CHN1: variants seen among roughly 807,000 people sequenced by gnomAD.
The protein encoded by CHN1 is chimerin 1.
CHN1 carries 37 observed loss-of-function variants against 59.5 expected under a neutral mutation model. That is an observed-to-expected ratio of 0.62 (90% CI 0.48 to 0.82). The LOEUF (loss-of-function observed/expected upper bound fraction) is 0.82. CHN1 is among the 40% of genes least tolerant of loss of function. The pLI, the probability that CHN1 is intolerant of heterozygous loss-of-function variation, is 0.00. For synonymous variants in CHN1, 206 were observed against 200.4 expected (o/e 1.03, Z -0.24); for missense variants, 469 against 571.0 (o/e 0.82, Z 1.82).
At chr2:174,879,419 A>C (rs1687668679) in intron 5 of CHN1, among the ~76,000 whole-genome samples, 2 of 152,204 alleles carry the variant, frequency 1.3e-5, no homozygotes. Flanking sequence ...CTAAAGCATA[A>C]TTTATCCATC....
chr2:174,871,794 G>A (rs1350788813), intron 6 of CHN1, among the ~76,000 whole-genome samples: 1 of 152,198 alleles, frequency 6.6e-6, no homozygotes, highest in African/African-American at 2.4e-5. Context: ...ACATTAAAAT[G>A]TAAGTTCTTT....
At chr2:174,809,413 T>C (rs1399791678) in intron 10 of CHN1, among the ~76,000 whole-genome samples, 1 of 152,234 alleles carries the variant, frequency 6.6e-6, no homozygotes, top group Non-Finnish European at 1.5e-5. Flanking sequence ...GCAGGATTCA[T>C]GGCACCTCGT....
At chr2:174,806,733 G>C (rs928600783) in intron 11 of CHN1, among the ~76,000 whole-genome samples, 1 of 152,090 alleles carries the variant, frequency 6.6e-6, no homozygotes, top group Non-Finnish European at 1.5e-5. Context: ...ATGGCACCTC[G>C]TCTATGCTCT....
At chr2:174,822,709 C>A (rs79680225) in intron 8 of CHN1, among the ~76,000 whole-genome samples, 2,283 of 152,300 alleles carry the variant, frequency 0.015, 30 homozygotes, top group Middle Eastern at 0.034. Context: ...GCAATGCACA[C>A]TGCCTCAATA....
At chr2:174,982,138 T>C (rs1574240426) in intron 1 of CHN1, among the ~76,000 whole-genome samples, 2 of 152,346 alleles carry the variant, frequency 1.3e-5, no homozygotes, top group East Asian at 3.9e-4. Context: ...CATCATTTTT[T>C]ATGACTGCAT....
chr2:174,895,186 ATGTGTG>A (rs574252092), intron 5 of CHN1, among the ~76,000 whole-genome samples: 4 of 126,150 alleles, frequency 3.2e-5, no homozygotes, highest in Non-Finnish European at 5.2e-5. Context: ...GAGTATATAT[ATGTGTG>A]TGTGTGTATA....
chr2:174,975,659 A>AAAC, intron 1 of CHN1, among the ~76,000 whole-genome samples: 1 of 140,310 alleles, frequency 7.1e-6, no homozygotes, highest in Non-Finnish European at 1.5e-5. Context: ...AACAAACAAA[A>AAAC]AAAAAAAAAA....
intron 7 of CHN1, among the ~76,000 whole-genome samples, chr2:174,829,884 G>A (rs1685814151): frequency 6.6e-6 from 1 of 152,136 alleles, no homozygotes; most frequent in Non-Finnish European, 1.5e-5. Context: ...TCATTTTTAT[G>A]TTTAGGGTAA....
At chr2:174,819,323 T>A (rs1198308520) in intron 8 of CHN1, among the ~76,000 whole-genome samples, 1 of 152,232 alleles carries the variant, frequency 6.6e-6, no homozygotes, top group Non-Finnish European at 1.5e-5. Context: ...ACTTACAGTT[T>A]ATTATTAGGA....
chr2:174,915,497 T>C (rs141070737), intron 4 of CHN1, among the ~76,000 whole-genome samples: 1 of 144,624 alleles, frequency 6.9e-6, no homozygotes, highest in Non-Finnish European at 1.5e-5. Context: ...TTTAACCATA[T>C]GGCTTGCTAA....
chr2:174,917,555 T>TCTAACCC (rs1688882043), intron 4 of CHN1, among the ~76,000 whole-genome samples: 1 of 152,142 alleles, frequency 6.6e-6, no homozygotes, highest in Non-Finnish European at 1.5e-5. Context: ...ATCAAAAATT[T>TCTAACCC]CTAACCCCCA....
intron 3 of CHN1, among the ~76,000 whole-genome samples, chr2:174,941,276 T>C (rs1331702264): frequency 6.6e-6 from 1 of 152,202 alleles, no homozygotes; most frequent in Admixed American, 6.5e-5. Flanking sequence ...CTAAAAAACA[T>C]TGCCTCCTTT....
chr2:174,967,894 G>C (rs551075283), intron 1 of CHN1, among the ~76,000 whole-genome samples: 4 of 152,150 alleles, frequency 2.6e-5, no homozygotes, highest in Non-Finnish European at 5.9e-5. Flanking sequence ...GACCTACTTG[G>C]ATTCTTGCCC....
intron 6 of CHN1, 194 bp from the exon 7 acceptor site, chr2:174,847,151 G>A (rs756474859): frequency 6.5e-7 from 1 of 1,545,016 alleles, no homozygotes. Flanking sequence ...CACAAGGAAA[G>A]AAAACCTATA....
chr2:174,935,205 C>G (rs1020459285), intron 3 of CHN1, among the ~76,000 whole-genome samples: 1 of 152,214 alleles, frequency 6.6e-6, no homozygotes, highest in Non-Finnish European at 1.5e-5. Flanking sequence ...ACCAACTCTG[C>G]GCTTCTGCAC....
intron 3 of CHN1, among the ~76,000 whole-genome samples, chr2:174,935,320 G>A (rs1689465053): frequency 6.6e-6 from 1 of 152,180 alleles, no homozygotes; most frequent in South Asian, 2.1e-4. Context: ...CTGGCAGATG[G>A]TAGCCCCTCC....
intron 1 of CHN1, among the ~76,000 whole-genome samples, chr2:174,970,688 C>T (rs906963638): frequency 2.0e-5 from 3 of 152,112 alleles, no homozygotes; most frequent in African/African-American, 7.2e-5. Context: ...CAGTCAAATA[C>T]AAGATAGAAC....
At chr2:174,982,530 G>A (rs1691189361) in intron 1 of CHN1, among the ~76,000 whole-genome samples, 1 of 152,056 alleles carries the variant, frequency 6.6e-6, no homozygotes, top group Non-Finnish European at 1.5e-5. Context: ...GTTTTGATTT[G>A]CATTTCTCTG....
intron 1 of CHN1, among the ~76,000 whole-genome samples, chr2:175,002,630 T>C: frequency 6.6e-6 from 1 of 152,150 alleles, no homozygotes; most frequent in Non-Finnish European, 1.5e-5. Context: ...TAGTCTAGAC[T>C]CTACTGCTGG....
Sources: allele counts gnomAD v4.1 joint callset (sites outside exome capture counted in the v4.1 genomes callset), GRCh38; gene constraint gnomAD v4.1.1; transcripts MANE v1.5; gene names NCBI Gene and HGNC (gene_info 2026-07-23, HGNC 2026-07-21).